TRPM5: variants seen among roughly 807,000 people sequenced by gnomAD.
TRPM5 encodes transient receptor potential cation channel subfamily M member 5, also known as MLSN1 and TRP-related.
Under a neutral mutation model 124.9 loss-of-function variants are expected in TRPM5, and 121 were observed. That is an observed-to-expected ratio of 0.97 (90% confidence interval 0.84 to 1.13). The LOEUF is 1.13. Among genes scored for constraint, TRPM5 ranks in the 50% most tolerant of loss-of-function variants. TRPM5 has a pLI of 0.00. For synonymous variants in TRPM5, 781 were observed against 700.5 expected, an observed-to-expected ratio of 1.11 and a Z score of -1.81; for missense variants, 1,643 against 1,589.1, an observed-to-expected ratio of 1.03 and a Z score of -0.58.
upstream of TRPM5, among the ~76,000 whole-genome samples, chr11:2,426,583 C>A (rs1011776858): frequency 6.6e-6 from 1 of 152,096 alleles, no homozygotes; most frequent in South Asian, 2.1e-4. Context: ...GGCAGCGGGG[C>A]ACCTGTAGCC....
At chr11:2,415,043 T>G (rs1044844034) in exon 10 of TRPM5, 2 of 1,601,148 alleles carry the variant, frequency 1.2e-6, no homozygotes, top group Non-Finnish European at 1.7e-6. Context: ...GGCCGGGCCC[T>G]TCTCCTGGAG....
the TRPM5 span, among the ~76,000 whole-genome samples, chr11:2,442,040 A>G: frequency 1.3e-3 from 202 of 152,058 alleles, 1 homozygote; most frequent in African/African-American, 4.8e-3. The surrounding 1 kb of genome is among the most constrained non-coding windows in gnomAD (Gnocchi z 5.9). Flanking sequence ...CTGCCTTTTC[A>G]CTCGTTTTCA....
the TRPM5 span, among the ~76,000 whole-genome samples, chr11:2,431,651 C>T: frequency 2.6e-5 from 4 of 152,110 alleles, no homozygotes; most frequent in Non-Finnish European, 5.9e-5. Flanking sequence ...GGAACCTTGG[C>T]TTCTGGTGCT....
intron 22 of TRPM5, among the ~76,000 whole-genome samples, 187 bp from the exon 28 acceptor site, chr11:2,405,780 G>A (rs1341292475): frequency 2.0e-5 from 3 of 152,158 alleles, no homozygotes; most frequent in African/African-American, 4.8e-5. Flanking sequence ...AAGGCGAGGG[G>A]TCTTCAATGT....
chr11:2,421,204 G>C lies in TRPM5; in HGVS notation c.299-6C>G, dbSNP rs1845768289. On this transcript the variant is annotated splice_region_variant and splice_polypyrimidine_tract_variant and intron_variant, in intron 2 of 23. Transcript: ENST00000155858. ...ACTGGTCAGGATCCAGGCTCCTGTG[G>C]GGATGGAAGAGGGCCTCGTTGTGCC... The C allele has an allele frequency of 1.3e-6, 2 of 1,534,848 alleles. No individual in the cohort carries two copies. Among genetic ancestry groups the C allele is most frequent in the Non-Finnish European group, 1.7e-6 (2 of 1,143,648 alleles).
At chr11:2,407,075 C>T (rs1589865313) in intron 20 of TRPM5, 44 bp downstream of exon 25, 1 of 1,494,726 alleles carries the variant, frequency 6.7e-7, no homozygotes, top group South Asian at 1.3e-5. Context: ...TGGGACCCGC[C>T]ACCTCGGCCT....
chr11:2,406,982 T>G, intron 20 of TRPM5, 137 bp downstream of exon 25: 1 of 1,307,680 alleles, frequency 7.6e-7, no homozygotes, highest in East Asian at 2.5e-5. Flanking sequence ...TGTGCCAGCC[T>G]GCACAGAGCC....
intron 8 of TRPM5, 81 bp from the exon 14 acceptor site, chr11:2,415,552 A>G: frequency 1.0e-6 from 1 of 994,652 alleles, no homozygotes; most frequent in South Asian, 1.6e-5. Context: ...GGAAGGAGAG[A>G]GCAGGGAGCA....
chr11:2,418,145 C>T (rs757877184), intron 6 of TRPM5, 22 bp downstream of exon 11: 1 of 1,528,232 alleles, frequency 6.5e-7, no homozygotes, highest in Non-Finnish European at 8.9e-7. Flanking sequence ...GTCGGGAGGA[C>T]AGGGGAGGGG....
exon 9 of TRPM5, chr11:2,415,284 GCCT>G: frequency 6.3e-7 from 1 of 1,576,128 alleles, no homozygotes; most frequent in Admixed American, 1.8e-5. Flanking sequence ...CGTCAGCCGG[GCCT>G]CCTCCTGCTT....
At chr11:2,405,129 GC>G in intron 23 of TRPM5, 86 bp from the exon 29 acceptor site, 1 of 1,146,280 alleles carries the variant, frequency 8.7e-7, no homozygotes, top group Non-Finnish European at 1.3e-6. Context: ...AGAGGCAAGG[GC>G]CAGGACGCCG....
the TRPM5 span, among the ~76,000 whole-genome samples, chr11:2,428,327 T>C: frequency 2.0e-5 from 3 of 152,140 alleles, no homozygotes; most frequent in Admixed American, 1.3e-4. The surrounding 1 kb of genome is among the most constrained non-coding windows in gnomAD (Gnocchi z 4.0). Flanking sequence ...GGGGACAGTA[T>C]CTGGGACTTG....
chr11:2,426,541 C>G (rs896586477), upstream of TRPM5, among the ~76,000 whole-genome samples: 1 of 152,102 alleles, frequency 6.6e-6, no homozygotes, highest in African/African-American at 2.4e-5. Context: ...CTGAGGCAGC[C>G]CCCCAGACGG....
chr11:2,436,561 G>A, the TRPM5 span, among the ~76,000 whole-genome samples: 4 of 152,242 alleles, frequency 2.6e-5, no homozygotes, highest in African/African-American at 9.6e-5. Flanking sequence ...GCCCTGGGCA[G>A]GGGCCCCGCC....
chr11:2,414,328 G>C, intron 11 of TRPM5, 122 bp from the exon 17 acceptor site: 1 of 1,392,840 alleles, frequency 7.2e-7, no homozygotes. Context: ...TCAACACGCA[G>C]GGCCCAGCCA....
chr11:2,420,671 G>A (rs1379515603), intron 3 of TRPM5, among the ~76,000 whole-genome samples: 3 of 152,240 alleles, frequency 2.0e-5, no homozygotes, highest in Non-Finnish European at 4.4e-5. Flanking sequence ...GCTGCCGGGA[G>A]CACCTCCTTC....
chr11:2,411,241 C>T, intron 18 of TRPM5, 111 bp downstream of exon 23: 2 of 1,280,648 alleles, frequency 1.6e-6, no homozygotes, highest in African/African-American at 3.0e-5. Flanking sequence ...CTGCTCCAGG[C>T]TGGGGTCTCC....
At chr11:2,405,576 C>T (rs1011257000) in exon 23 of TRPM5, 2 of 1,564,718 alleles carry the variant, frequency 1.3e-6, no homozygotes, top group Admixed American at 1.9e-5. Flanking sequence ...AGGACACGAG[C>T]ACCGAGCAGT....
At chr11:2,442,677 CTT>C in the TRPM5 span, among the ~76,000 whole-genome samples, 1 of 152,184 alleles carries the variant, frequency 6.6e-6, no homozygotes, top group East Asian at 1.9e-4. The surrounding 1 kb of genome is among the most constrained non-coding windows in gnomAD (Gnocchi z 5.9). Context: ...CGCTAGGTCT[CTT>C]TTCTACCAGT....
Sources: gnomAD v4.1 joint callset for allele counts (sites outside exome capture counted in the v4.1 genomes callset) on GRCh38, gnomAD v4.1.1 for gene constraint, Gnocchi (gnomAD v3.1) non-coding constraint, MANE v1.5 for transcripts, NCBI Gene and HGNC (gene_info 2026-07-23, HGNC 2026-07-21) for gene names.